C1orf141: variants seen among roughly 807,000 people sequenced by gnomAD.
C1orf141 encodes uncharacterized protein C1orf141.
A neutral mutation model predicts 23.2 loss-of-function variants in C1orf141; 19 were observed. The observed-to-expected ratio is 0.82, with a 90% CI of 0.57 to 1.20. The LOEUF (loss-of-function observed/expected upper bound fraction) is 1.20, where lower values mean the gene tolerates loss of function less well. Among genes scored for constraint, C1orf141 ranks in the 50% most tolerant of loss-of-function variants. The pLI is 0.00. For synonymous variants in C1orf141, 153 were observed against 154.6 expected, an observed-to-expected ratio of 0.99 and a Z score of 0.08; for missense variants, 469 against 455.1, an observed-to-expected ratio of 1.03 and a Z score of -0.28.
At chr1:67,118,731 C>T (rs1159233350) in intron 4 of C1orf141, among the ~76,000 whole-genome samples, 1 of 152,146 alleles carries the variant, frequency 6.6e-6, no homozygotes, top group Non-Finnish European at 1.5e-5. Context: ...TTGTGTTCTT[C>T]TAAGAAGAGT....
In C1orf141 at chr1:67,093,255, G is replaced by A. The variant is rs540321275; in HGVS notation, c.953C>T (p.Ser318Leu). 33 of 1,613,824 alleles carry A rather than the reference G, an allele frequency of 2.0e-5. No homozygotes were observed. The East Asian group carries it at 5.8e-4, about 28-fold the overall frequency. ...TTTTGTTAGGCTAGAAAAATTCTGT[G>A]AGAAATTATAGAGTGTATTCCAAGA... is the stretch of plus-strand genomic sequence containing the variant. ...NRSWNTLYNF[S>L]QNFSSLTKQF... The change falls in exon 8 of 8, where the codon TCA (serine) becomes TTA (leucine). Residue 318 changes from serine to leucine, a missense_variant. Physicochemically the swap from Ser to Leu is moderately radical, Grantham distance 145. Coordinates refer to ENST00000684719, the MANE Select transcript of C1orf141 (RefSeq NM_001276351.2).
At chr1:67,135,413 A>T (rs1003279369), upstream of C1orf141, among the ~76,000 whole-genome samples, 1 of 152,246 alleles carries the variant, frequency 6.6e-6, no homozygotes, top group African/African-American at 2.4e-5. Flanking sequence ...AACAACAAAA[A>T]ACCATTCTTA....
At chr1:67,135,187 AAAG>A (rs769434177), upstream of C1orf141, among the ~76,000 whole-genome samples, 2 of 152,246 alleles carry the variant, frequency 1.3e-5, no homozygotes, top group African/African-American at 4.8e-5. Context: ...GAGTCAAGTA[AAAG>A]AAGAAGATCA....
In C1orf141 at chr1:67,093,537, T is replaced by C; in HGVS notation, c.671A>G (p.Lys224Arg). 6.2e-7 allele frequency: 1 copy of C among 1,605,838 alleles called. No individual in the cohort carries two copies. The highest frequency in any genetic ancestry group is 8.5e-7 in the Non-Finnish European group (1 of 1,174,822). The part of the protein sequence containing the change: ...TEYVRMLLLT[K>R]NRFSSHPLEN... ...CAAAGGATGAGAAGAAAATCTATTT[T>C]TTGTCAAAAGTAACATTCGTACATA... The change falls in exon 8 of 8, where the codon AAA becomes AGA. Residue 224 changes from lysine to arginine, a missense_variant. By Grantham distance (26) the Lys-to-Arg change is conservative. This residue lies in a region of C1orf141 where 370 missense variants were observed against 348.1 expected (regional missense o/e 1.06). Transcript: ENST00000684719.
intron 2 of C1orf141, among the ~76,000 whole-genome samples, chr1:67,129,010 CT>C (rs200273637): frequency 6.6e-6 from 1 of 151,182 alleles, no homozygotes; most frequent in Non-Finnish European, 1.5e-5. Context: ...TTTCCTTCAG[CT>C]TTTTTTTTAC....
At position 67,113,655 on chromosome 1, in the gene C1orf141, G is replaced by A. The variant is rs187214956; in HGVS notation, c.346+1697C>T. 1.9e-5 allele frequency: 23 copies of A among 1,213,470 alleles called. No homozygotes were observed. In the Middle Eastern group the frequency reaches 6.8e-4, roughly 36 times the overall value. 75.2% of individuals were successfully genotyped at this position (1,213,470 alleles called of 1,614,324 possible). On this transcript the variant is annotated intron_variant, in intron 5 of 7. Coordinates refer to ENST00000684719, the MANE Select transcript of C1orf141 (RefSeq NM_001276351.2). The stretch of plus-strand genomic sequence containing the variant: ...GCTGGGATTACAGCCATGAGCCACC[G>A]TGCCCGGCCAGGTCTTTGTAAGAAG...
chr1:67,127,381 C>T, intron 2 of C1orf141, 124 bp from the exon 3 acceptor site: 1 of 586,888 alleles, frequency 1.7e-6, no homozygotes, highest in Non-Finnish European at 2.9e-6. Flanking sequence ...TTGTTTAAAT[C>T]ATACAGTAAA....
chr1:67,096,055 T>C (rs1331470386), intron 6 of C1orf141, 197 bp downstream of exon 6: 1 of 377,514 alleles, frequency 2.6e-6, no homozygotes, highest in African/African-American at 2.1e-5. Context: ...CATTTTTCCA[T>C]GCCTTTCTCT....
Position 67,101,487 on chromosome 1 carries a change from T to TGTGTGTGTGA in C1orf141, c.347-5167_347-5166insTCACACACAC, listed in dbSNP as rs760865676. 5.8e-3 allele frequency among the ~76,000 whole-genome samples: 874 copies of TGTGTGTGTGA among 150,518 alleles called. 8 individuals are homozygous for TGTGTGTGTGA. Among genetic ancestry groups the TGTGTGTGTGA allele is most frequent in the African/African-American group, 0.015 (605 of 40,852 alleles). ...GTGTGTGTGTGTGTGTGTGTGTGTGTGATGGAGTAGGTGGTTATAACAGGG... is the reference window on the plus strand; with the variant it reads ...GTGTGTGTGTGTGTGTGTGTGTGTGTGTGTGTGTGAGATGGAGTAGGTGGTTATAACAGGG... On this transcript the variant is annotated intron_variant, in intron 5 of 7. Transcript: ENST00000684719.
At chr1:67,107,134 T>G (rs1179477403) in intron 5 of C1orf141, among the ~76,000 whole-genome samples, 1 of 152,208 alleles carries the variant, frequency 6.6e-6, no homozygotes, top group Non-Finnish European at 1.5e-5. Flanking sequence ...GATTTCTACA[T>G]CTTTATGTGA....
intron 4 of C1orf141, among the ~76,000 whole-genome samples, chr1:67,120,229 C>T (rs369770742): frequency 3.3e-5 from 5 of 152,186 alleles, no homozygotes; most frequent in East Asian, 3.8e-4. Context: ...ATCCCATCAA[C>T]GTAGCTTGGA....
At chr1:67,139,714 A>G (rs1415670934), upstream of C1orf141, among the ~76,000 whole-genome samples, 2 of 152,098 alleles carry the variant, frequency 1.3e-5, no homozygotes, top group Non-Finnish European at 2.9e-5. Flanking sequence ...CTTAATTTAT[A>G]TTTTTTAAAA....
chr1:67,127,273 G>A lies in C1orf141; in HGVS notation c.-17-16C>T. The A allele has an allele frequency of 2.2e-6, 3 of 1,387,614 alleles. No individual in the cohort carries two copies. The highest frequency in any genetic ancestry group is 3.0e-6 in the Non-Finnish European group (3 of 986,270). 86.0% of individuals were successfully genotyped at this position (1,387,614 alleles called of 1,614,324 possible). A position where few individuals can be genotyped will look rare whatever the true frequency, so the allele number is the denominator to read the frequency against. Reference sequence around the variant, plus strand: ...CACTAAATTCCTATTTTAAAATAAGGAGGAAGAAGAACAAATCAATTCAAA... The same window carrying A: ...CACTAAATTCCTATTTTAAAATAAGAAGGAAGAAGAACAAATCAATTCAAA... On this transcript the variant is annotated splice_polypyrimidine_tract_variant and intron_variant, in intron 2 of 7. Coordinates refer to ENST00000684719, the MANE Select transcript of C1orf141 (RefSeq NM_001276351.2).
chr1:67,137,088 T>C (rs1646592125), upstream of C1orf141, among the ~76,000 whole-genome samples: 1 of 152,186 alleles, frequency 6.6e-6, no homozygotes, highest in African/African-American at 2.4e-5. Context: ...CCTGCTTCCT[T>C]TGAAGTAGGC....
chr1:67,105,203 A>G (rs780038785), intron 5 of C1orf141, among the ~76,000 whole-genome samples: 3 of 151,658 alleles, frequency 2.0e-5, no homozygotes, highest in Non-Finnish European at 2.9e-5. Flanking sequence ...GTGTACGCCT[A>G]TAGTCCCAAC....
chr1:67,136,618 G>A (rs1646587610), upstream of C1orf141, among the ~76,000 whole-genome samples: 2 of 152,090 alleles, frequency 1.3e-5, no homozygotes, highest in Non-Finnish European at 2.9e-5. Context: ...TAATATTTAT[G>A]GAACACGTTC....
chr1:67,113,313 G>A (rs1646118953), intron 5 of C1orf141, among the ~76,000 whole-genome samples: 1 of 152,104 alleles, frequency 6.6e-6, no homozygotes, highest in Admixed American at 6.5e-5. Context: ...CAGGGAGGTA[G>A]GGAATGAGGC....
At chr1:67,139,233 G>A (rs572211815), upstream of C1orf141, 2 of 152,228 alleles carry the variant, frequency 1.3e-5, no homozygotes, top group East Asian at 3.9e-4. Flanking sequence ...CTGATAATAT[G>A]CTCAACAAAT....
Position 67,093,567 on chromosome 1 carries a change from G to A in C1orf141, c.641C>T (p.Thr214Ile), listed in dbSNP as rs755494299. Reference protein sequence around the residue: ...KDTNPIIFHDTEYVRMLLLTK... With the variant: ...KDTNPIIFHDIEYVRMLLLTK... ...CAAAAGTAACATTCGTACATATTCT[G>A]TGTCATGGAAAATTATGGGATTTGT... The change falls in exon 8 of 8, where the codon ACA becomes ATA. Residue 214 changes from threonine to isoleucine, a missense_variant. By Grantham distance (89) the Thr-to-Ile change is moderately conservative. Coordinates refer to ENST00000684719, the MANE Select transcript of C1orf141 (RefSeq NM_001276351.2). The A allele has an allele frequency of 6.3e-7, 1 of 1,578,114 alleles. No homozygotes were observed. Among genetic ancestry groups the A allele is most frequent in the Non-Finnish European group, 8.6e-7 (1 of 1,162,604 alleles).
Sources: gnomAD v4.1 joint callset for allele counts (sites outside exome capture counted in the v4.1 genomes callset) on GRCh38, gnomAD v4.1.1 for gene constraint, gnomAD v4.1.1 regional missense constraint, MANE v1.5 for transcripts, NCBI Gene and HGNC (gene_info 2026-07-23, HGNC 2026-07-21) for gene names.